Variants in PDCD1LG2 observed in about 807,000 individuals in gnomAD.
PDCD1LG2 encodes the protein programmed cell death 1 ligand 2, also known as B7 dendritic cell molecule.
In PDCD1LG2, 32 loss-of-function variants were observed where a neutral mutation model predicts 28.2. The observed-to-expected ratio is 1.13, with a 90% CI of 0.86 to 1.52. The LOEUF is 1.52. PDCD1LG2 is among the 40% of genes most tolerant of loss of function. The probability of loss-of-function intolerance (pLI) is 0.00; values close to 1 mark genes in which losing one functional copy is unlikely to be tolerated. For synonymous variants in PDCD1LG2, 116 were observed against 120.2 expected, an observed-to-expected ratio of 0.97 and a Z score of 0.23; for missense variants, 385 against 323.8, an observed-to-expected ratio of 1.19 and a Z score of -1.45.
At chr9:5,568,731 C>G (rs954260594) in intron 6 of PDCD1LG2, among the ~76,000 whole-genome samples, 1 of 152,332 alleles carries the variant, frequency 6.6e-6, no homozygotes, top group African/African-American at 2.4e-5. Context: ...GCACAGTTGT[C>G]TCAGGGAGGG....
intron 2 of PDCD1LG2, among the ~76,000 whole-genome samples, chr9:5,532,057 G>A (rs1586801059): frequency 2.0e-5 from 3 of 152,178 alleles, no homozygotes; most frequent in Admixed American, 2.0e-4. Context: ...GTCCCATTAT[G>A]GAGATTCTGA....
Position 5,568,622 on chromosome 9 carries a change from G to A in PDCD1LG2, c.817-1332G>A, listed in dbSNP as rs561829858. Among the ~76,000 whole-genome samples the A allele has an allele frequency of 1.2e-3, 189 of 152,306 alleles. 2 individuals carry two copies. The highest frequency in any genetic ancestry group is 5.6e-4 in the Non-Finnish European group (38 of 68,024). ...TGGAACATATTTGGAAAATCATGTA[G>A]CTCTCAAATTATCCCTATGTCCTGA... is the stretch of plus-strand genomic sequence containing the variant. On this transcript the variant is annotated intron_variant, in intron 6 of 6. Transcript: ENST00000397747.
intron 1 of PDCD1LG2, among the ~76,000 whole-genome samples, chr9:5,512,070 G>C (rs1242868533): frequency 2.0e-5 from 3 of 152,332 alleles, no homozygotes; most frequent in African/African-American, 7.2e-5. Flanking sequence ...AGATGGTAGA[G>C]ACAGTATTAT....
In PDCD1LG2 at chr9:5,538,723, T is replaced by G. The variant is rs1820632872; in HGVS notation, c.361+3673T>G. 5.9e-5 allele frequency among the ~76,000 whole-genome samples: 9 copies of G among 152,164 alleles called. No individual in the cohort carries two copies. In the South Asian group the frequency reaches 1.9e-3, roughly 32 times the overall value. ...AAAAAAAAAAAAGAAATTGACACATTAAGTTTATTGTGAAAACATGATTAC... is the reference window on the plus strand; with the variant it reads ...AAAAAAAAAAAAGAAATTGACACATGAAGTTTATTGTGAAAACATGATTAC... On this transcript the variant is annotated intron_variant, in intron 3 of 6. Transcript: ENST00000397747.
intron 3 of PDCD1LG2, among the ~76,000 whole-genome samples, chr9:5,538,059 T>G (rs1297908814): frequency 6.6e-6 from 1 of 152,094 alleles, no homozygotes; most frequent in Non-Finnish European, 1.5e-5. Flanking sequence ...GTAGGGAAGG[T>G]GAAATTGGAA....
At chr9:5,521,323 T>C (rs537496953) in intron 1 of PDCD1LG2, among the ~76,000 whole-genome samples, 2 of 152,288 alleles carry the variant, frequency 1.3e-5, no homozygotes, top group Admixed American at 1.3e-4. Flanking sequence ...TCCGTGAACA[T>C]ACTAAAAACC....
chr9:5,563,135 T>C (rs746141434), intron 5 of PDCD1LG2, 27 bp from the exon 6 acceptor site: 1 of 1,567,470 alleles, frequency 6.4e-7, no homozygotes, highest in Admixed American at 1.7e-5. Context: ...TTAATCTTAT[T>C]CCATTTCTGG....
intron 3 of PDCD1LG2, among the ~76,000 whole-genome samples, chr9:5,539,256 A>G (rs1820643592): frequency 6.6e-6 from 1 of 152,298 alleles, no homozygotes; most frequent in African/African-American, 2.4e-5. Context: ...GGAGGAATAC[A>G]AGCAAAAAAA....
At position 5,570,439 on chromosome 9, in the gene PDCD1LG2, G is replaced by T. The variant is rs1444498128; in HGVS notation, c.*480G>T. Reference sequence around the variant, plus strand: ...TTGAGACTATGAGCTCACAGACAGGGCTTCGCACAAACTCAAATCATAATT... The same window carrying T: ...TTGAGACTATGAGCTCACAGACAGGTCTTCGCACAAACTCAAATCATAATT... On this transcript the variant is annotated 3_prime_UTR_variant, in exon 7 of 7. Transcript: ENST00000397747. The T allele has an allele frequency of 1.3e-5, 3 of 234,924 alleles. No homozygotes were observed. Among genetic ancestry groups the T allele is most frequent in the African/African-American group, 6.6e-5 (3 of 45,386 alleles). The allele number at this position is 234,924 out of a possible 1,614,324, so 14.6% of individuals were successfully genotyped here.
chr9:5,512,484 G>A (rs181085644), intron 1 of PDCD1LG2, among the ~76,000 whole-genome samples: 1 of 152,254 alleles, frequency 6.6e-6, no homozygotes, highest in East Asian at 1.9e-4. Context: ...TGCCCTGGGG[G>A]AGCTTCTGAT....
intron 3 of PDCD1LG2, among the ~76,000 whole-genome samples, chr9:5,540,629 T>A (rs1419363135): frequency 6.7e-6 from 1 of 149,934 alleles, no homozygotes; most frequent in African/African-American, 2.5e-5. Flanking sequence ...GATGGATACA[T>A]TCCTGGAAAT....
At chr9:5,518,246 A>C (rs1820205576) in intron 1 of PDCD1LG2, among the ~76,000 whole-genome samples, 1 of 152,222 alleles carries the variant, frequency 6.6e-6, no homozygotes, top group African/African-American at 2.4e-5. Context: ...TCATTGCATA[A>C]ACCATATTTT....
rs1321645007 is a variant in PDCD1LG2 at position 5,534,996 on chromosome 9, A to G, written c.307A>G (p.Ile103Val). The change falls in exon 3 of 7, where the codon ATA becomes GTA. Residue 103 changes from isoleucine (I) to valine (V), a missense_variant. By Grantham distance (29) the Ile-to-Val change is conservative. Coordinates refer to ENST00000397747, the MANE Select transcript of PDCD1LG2 (RefSeq NM_025239.4). ...GAGGGACGAAGGACAGTACCAATGC[A>G]TAATCATCTATGGGGTCGCCTGGGA... is the stretch of plus-strand genomic sequence containing the variant. ...QVRDEGQYQC[I>V]IIYGVAWDYK... The G allele has an allele frequency of 6.2e-7, 1 of 1,614,080 alleles. No individual in the cohort carries two copies. The highest frequency in any genetic ancestry group is 1.7e-5 in the Admixed American group (1 of 60,024).
Position 5,558,441 on chromosome 9 carries a change from G to A in PDCD1LG2, c.766+689G>A, listed in dbSNP as rs188200185. ...GTCTTTGGTTTCCTGGGTGGAGCCT[G>A]CCCACAAAACCCCCAGAATGTATGC... On this transcript the variant is annotated intron_variant, in intron 5 of 6. Transcript: ENST00000397747. Among the ~76,000 whole-genome samples, 435 of 152,254 alleles carry A rather than the reference G, an allele frequency of 2.9e-3. 4 individuals are homozygous for A. Among genetic ancestry groups the A allele is most frequent in the South Asian group, 5.6e-3 (27 of 4,820 alleles).
intron 2 of PDCD1LG2, among the ~76,000 whole-genome samples, chr9:5,525,405 A>G (rs1350505798): frequency 1.3e-5 from 2 of 151,708 alleles, no homozygotes; most frequent in East Asian, 3.9e-4. Context: ...ACAAATAAAT[A>G]AAAACAATCC....
At chr9:5,511,276 C>T (rs1586786525) in intron 1 of PDCD1LG2, among the ~76,000 whole-genome samples, 1 of 152,160 alleles carries the variant, frequency 6.6e-6, no homozygotes, top group Non-Finnish European at 1.5e-5. Flanking sequence ...AAACCCAAAA[C>T]TATTATCTTA....
At chr9:5,554,823 G>C (rs1816405369) in intron 4 of PDCD1LG2, among the ~76,000 whole-genome samples, 1 of 152,150 alleles carries the variant, frequency 6.6e-6, no homozygotes, top group South Asian at 2.1e-4. Flanking sequence ...TGTCAGACAG[G>C]CTTAAATTTC....
chr9:5,563,503 A>G (rs180830024), intron 6 of PDCD1LG2, among the ~76,000 whole-genome samples: 28 of 152,352 alleles, frequency 1.8e-4, no homozygotes, highest in Middle Eastern at 3.4e-3. Context: ...AAGATATTCA[A>G]CTGCGATGCA....
intron 1 of PDCD1LG2, among the ~76,000 whole-genome samples, chr9:5,517,978 G>C (rs148410330): frequency 6.6e-6 from 1 of 152,324 alleles, no homozygotes; most frequent in Non-Finnish European, 1.5e-5. Context: ...TGATGGCAGT[G>C]GGGTGGAAGA....
Sources: allele counts gnomAD v4.1 joint callset (sites outside exome capture counted in the v4.1 genomes callset), GRCh38; gene constraint gnomAD v4.1.1; transcripts MANE v1.5; gene names NCBI Gene and HGNC (gene_info 2026-07-23, HGNC 2026-07-21).